SPATA9: variants seen among roughly 807,000 people sequenced by gnomAD.
The protein encoded by SPATA9 is spermatogenesis-associated protein 9.
Under a neutral mutation model 25.5 loss-of-function variants are expected in SPATA9, and 27 were observed. The observed-to-expected ratio is 1.06, with a 90% CI of 0.78 to 1.46. The LOEUF (loss-of-function observed/expected upper bound fraction) is 1.46, where lower values mean the gene tolerates loss of function less well. Among genes scored for constraint, SPATA9 ranks in the 40% most tolerant of loss-of-function variants. The probability of loss-of-function intolerance (pLI) is 0.00; values close to 1 mark genes in which losing one functional copy is unlikely to be tolerated. For synonymous variants in SPATA9, 102 were observed against 105.7 expected, an observed-to-expected ratio of 0.97 and a Z score of 0.21; for missense variants, 282 against 297.5, an observed-to-expected ratio of 0.95 and a Z score of 0.38.
the SPATA9 span, among the ~76,000 whole-genome samples, chr5:95,714,467 A>G: frequency 1.6e-4 from 25 of 152,216 alleles, no homozygotes; most frequent in Non-Finnish European, 3.2e-4. Context: ...AGAAGGAAAA[A>G]AAGATGGCAT....
the SPATA9 span, among the ~76,000 whole-genome samples, chr5:95,714,390 T>C: frequency 1.3e-5 from 2 of 152,012 alleles, no homozygotes; most frequent in African/African-American, 2.4e-5. Flanking sequence ...AACATCAACA[T>C]GTAGGAGACT....
chr5:95,653,012 G>A (rs767332641), exon 9 of SPATA9: 1 of 1,475,346 alleles, frequency 6.8e-7, no homozygotes, highest in Non-Finnish European at 9.1e-7. Flanking sequence ...TGCACAACCT[G>A]GCTCCTGCCT....
rs1364533938 is a variant in SPATA9, at chr5:95,658,321, A to G, written c.*302T>C. 1 of 191,200 alleles carries G rather than the reference A, an allele frequency of 5.2e-6. No homozygotes were observed. Among genetic ancestry groups the G allele is most frequent in the Admixed American group, 5.8e-5 (1 of 17,356 alleles). The allele number at this position is 191,200 out of a possible 1,614,324, so 11.8% of individuals were successfully genotyped here. A position where few individuals can be genotyped will look rare whatever the true frequency, so the allele number is the denominator to read the frequency against. On this transcript the variant is annotated 3_prime_UTR_variant, in exon 5 of 5. Coordinates refer to ENST00000274432, the MANE Select transcript of SPATA9 (RefSeq NM_031952.4). ...TAGACACTCAAAACAAGTCTTTAATAAAAACATTAATGTATTATAAATATG... is the reference window on the plus strand; with the variant it reads ...TAGACACTCAAAACAAGTCTTTAATGAAAACATTAATGTATTATAAATATG...
At chr5:95,661,930 CAT>C (rs765917134) in intron 4 of SPATA9, among the ~76,000 whole-genome samples, 13 of 151,780 alleles carry the variant, frequency 8.6e-5, no homozygotes, top group Middle Eastern at 3.4e-3. Context: ...AACAAAAAAA[CAT>C]AAAAATGATT....
At chr5:95,697,903 AT>A (rs1462601743) in intron 1 of SPATA9, among the ~76,000 whole-genome samples, 2 of 150,804 alleles carry the variant, frequency 1.3e-5, no homozygotes, top group Non-Finnish European at 3.0e-5. Context: ...ATGACATTCC[AT>A]GAAAAAAAAA....
chr5:95,658,856 A>T lies in SPATA9; in HGVS notation c.532T>A (p.Ser178Thr). 1 of 1,613,884 alleles carries T rather than the reference A, an allele frequency of 6.2e-7. No homozygotes were observed. Among genetic ancestry groups the T allele is most frequent in the South Asian group, 1.1e-5 (1 of 91,070 alleles). Residue 178 changes from serine (S) to threonine (T), a missense_variant, in exon 5 of 5, where the codon TCC becomes ACC. Coordinates refer to ENST00000274432, the MANE Select transcript of SPATA9 (RefSeq NM_031952.4). ...KVKNIFQEEESIRQNREESEN... is the reference protein window; with the variant it reads ...KVKNIFQEEETIRQNREESEN... ...CTCTCCTCTCTGTTTTGCCTTATGG[A>T]TTCTTCTTCCTGGAAGATGTTCTTT...
downstream of SPATA9, chr5:95,652,282 G>C: frequency 6.5e-7 from 1 of 1,550,216 alleles, no homozygotes; most frequent in Non-Finnish European, 8.7e-7. Context: ...ATGTTGAAGT[G>C]TTTCAGGAAT....
Position 95,658,669 on chromosome 5 carries a change from A to G in SPATA9, c.719T>C (p.Leu240Ser), listed in dbSNP as rs2112538812. Residue 240 changes from leucine to serine, a missense_variant, in exon 5 of 5, where the codon TTA becomes TCA. By Grantham distance (145) the Leu-to-Ser change is moderately radical. Coordinates refer to ENST00000274432, the MANE Select transcript of SPATA9 (RefSeq NM_031952.4). ...AGCTGATTGGTCAAACACAGAATGTAAAACTTGGATGTTATTACTCTGCTT... is the reference window on the plus strand; with the variant it reads ...AGCTGATTGGTCAAACACAGAATGTGAAACTTGGATGTTATTACTCTGCTT... ...ANKQSNNIQV[L>S]HSVFDQSAEM... The G allele has an allele frequency of 6.2e-7, 1 of 1,613,694 alleles. No homozygotes were observed. The highest frequency in any genetic ancestry group is 1.7e-4 in the Middle Eastern group (1 of 6,060).
At chr5:95,656,037 C>T (rs202025519), downstream of SPATA9, 4 of 1,611,110 alleles carry the variant, frequency 2.5e-6, no homozygotes, top group East Asian at 8.9e-5. Context: ...GAGTTATTCT[C>T]TTCCCCAGGA....
Position 95,693,236 on chromosome 5 carries a change from T to C in SPATA9, n.124+5352A>G, listed in dbSNP as rs528384177. Among the ~76,000 whole-genome samples, 3 of 152,326 alleles carry C rather than the reference T, an allele frequency of 2.0e-5. No individual in the cohort carries two copies. The South Asian group carries it at 6.2e-4, about 32-fold the overall frequency. The stretch of plus-strand genomic sequence containing the variant: ...TAGCTGTGATCACTGCTTCCAAACC[T>C]AGAAATATCCCCACCAGCACCAGGA... On this transcript the variant is annotated intron_variant and non_coding_transcript_variant, in intron 1 of 2. Transcript: ENST00000379990.
At chr5:95,728,977 C>A in the SPATA9 span, among the ~76,000 whole-genome samples, 1 of 152,186 alleles carries the variant, frequency 6.6e-6, no homozygotes, top group African/African-American at 2.4e-5. Context: ...AATGTCACGG[C>A]AATGTCAGGA....
At chr5:95,717,015 G>A in the SPATA9 span, 6 of 152,266 alleles carry the variant, frequency 3.9e-5, no homozygotes, top group African/African-American at 9.7e-5. Context: ...TCTCAGGTAT[G>A]TCTTTATTAG....
At chr5:95,656,736 T>C (rs1267771721), downstream of SPATA9, 2 of 153,732 alleles carry the variant, frequency 1.3e-5, no homozygotes, top group African/African-American at 4.8e-5. Context: ...AAACAGACTA[T>C]ATAATGAACT....
At chr5:95,664,171 C>T (rs1346487496) in intron 3 of SPATA9, 123 bp from the exon 4 acceptor site, 3 of 467,136 alleles carry the variant, frequency 6.4e-6, no homozygotes, top group Non-Finnish European at 1.1e-5. Flanking sequence ...TACTTTAGAG[C>T]TATCTGGGCT....
downstream of SPATA9, chr5:95,652,241 C>T (rs200989607): frequency 6.5e-7 from 1 of 1,544,840 alleles, no homozygotes; most frequent in Non-Finnish European, 8.8e-7. Context: ...GATCTTGCCT[C>T]TCTACAACCT....
the SPATA9 span, chr5:95,731,263 G>A: frequency 9.9e-7 from 1 of 1,008,332 alleles, no homozygotes; most frequent in South Asian, 4.4e-5. Flanking sequence ...CGCCCGGTCC[G>A]CTGAGGGGGC....
chr5:95,731,479 G>A, the SPATA9 span: 1 of 1,225,140 alleles, frequency 8.2e-7, no homozygotes, highest in Non-Finnish European at 1.0e-6. Flanking sequence ...TCCCCCGCCC[G>A]CTAGCCCGCC....
At chr5:95,699,817 G>C (rs1303438983), upstream of SPATA9, among the ~76,000 whole-genome samples, 1 of 152,198 alleles carries the variant, frequency 6.6e-6, no homozygotes, top group Non-Finnish European at 1.5e-5. Flanking sequence ...AGAAGACTCT[G>C]AGAGTTTCAA....
At chr5:95,724,361 T>C in the SPATA9 span, among the ~76,000 whole-genome samples, 1 of 152,254 alleles carries the variant, frequency 6.6e-6, no homozygotes, top group Admixed American at 6.5e-5. Flanking sequence ...AGAAGTGTAA[T>C]ACATTTTTAC....
Sources: gnomAD v4.1 joint callset for allele counts (sites outside exome capture counted in the v4.1 genomes callset) on GRCh38, gnomAD v4.1.1 for gene constraint, MANE v1.5 for transcripts, NCBI Gene and HGNC (gene_info 2026-07-23, HGNC 2026-07-21) for gene names.